SLC17A1: variants seen among roughly 807,000 people sequenced by gnomAD.
SLC17A1 encodes the protein sodium-dependent phosphate transport protein 1.
SLC17A1 carries 51 observed loss-of-function variants against 53.5 expected under a neutral mutation model. That is an observed-to-expected ratio of 0.95 (90% CI 0.76 to 1.20). SLC17A1 has a LOEUF of 1.20. SLC17A1 is among the 50% of genes most tolerant of loss of function. The probability of loss-of-function intolerance (pLI) is 0.00; values close to 1 mark genes in which losing one functional copy is unlikely to be tolerated. For missense variants in SLC17A1, 538 were observed against 568.2 expected, an observed-to-expected ratio of 0.95 and a Z score of 0.54; for synonymous variants, 179 against 198.8, an observed-to-expected ratio of 0.90 and a Z score of 0.84.
the SLC17A1 span, among the ~76,000 whole-genome samples, chr6:25,746,014 A>G: frequency 6.6e-6 from 1 of 152,344 alleles, no homozygotes; most frequent in South Asian, 2.1e-4. Flanking sequence ...GACTTAAAAG[A>G]CAGAGAGGAT....
At chr6:25,747,728 C>G in the SLC17A1 span, among the ~76,000 whole-genome samples, 1 of 152,192 alleles carries the variant, frequency 6.6e-6, no homozygotes, top group African/African-American at 2.4e-5. Flanking sequence ...CTAGAGGATA[C>G]AACTCTTTGG....
the SLC17A1 span, among the ~76,000 whole-genome samples, chr6:25,739,044 A>G: frequency 6.6e-6 from 1 of 152,330 alleles, no homozygotes; most frequent in East Asian, 1.9e-4. Flanking sequence ...CATTCATCCC[A>G]GAGAAATGAA....
chr6:25,776,937 AACTT>A, the SLC17A1 span: 1 of 1,613,162 alleles, frequency 6.2e-7, no homozygotes. Context: ...AGCCCTTGTT[AACTT>A]CTTGGATATT....
At chr6:25,812,522 C>A (rs1260913715) in intron 8 of SLC17A1, among the ~76,000 whole-genome samples, 24 of 152,164 alleles carry the variant, frequency 1.6e-4, no homozygotes. Context: ...CCAGTCCCTG[C>A]AGGGAATGGT....
At chr6:25,826,195 G>T (rs536774193) in intron 3 of SLC17A1, among the ~76,000 whole-genome samples, 24 of 151,212 alleles carry the variant, frequency 1.6e-4, no homozygotes, top group African/African-American at 5.3e-4. Flanking sequence ...TTTTCCTCTT[G>T]TCCAAATTTC....
chr6:25,726,088 GTT>G, the SLC17A1 span: 1 of 1,478,456 alleles, frequency 6.8e-7, no homozygotes, highest in South Asian at 1.4e-5. Flanking sequence ...AGAGCCTTTT[GTT>G]TTTTCTGACA....
intron 12 of SLC17A1, among the ~76,000 whole-genome samples, chr6:25,796,614 A>T (rs1424521328): frequency 1.3e-5 from 2 of 152,026 alleles, no homozygotes; most frequent in African/African-American, 2.4e-5. Context: ...TTTTAAAAAA[A>T]TTTTTCTTCA....
the SLC17A1 span, among the ~76,000 whole-genome samples, chr6:25,742,199 A>G: frequency 6.6e-6 from 1 of 152,208 alleles, no homozygotes; most frequent in Non-Finnish European, 1.5e-5. Context: ...AAGCCAACCA[A>G]TCAGTGTTCA....
chr6:25,779,001 A>G, downstream of SLC17A1: 1 of 1,602,450 alleles, frequency 6.2e-7, no homozygotes, highest in Non-Finnish European at 8.5e-7. Flanking sequence ...TTTCTGAACC[A>G]AGAGGGACAG....
the SLC17A1 span, among the ~76,000 whole-genome samples, chr6:25,767,878 G>A: frequency 0.3 from 45,385 of 152,024 alleles, 7,751 homozygotes; most frequent in East Asian, 0.74. Context: ...TCAAAACTCA[G>A]TGGGGGAAAA....
chr6:25,798,230 G>A (rs1466072148), intron 12 of SLC17A1, among the ~76,000 whole-genome samples: 3 of 152,142 alleles, frequency 2.0e-5, no homozygotes, highest in African/African-American at 4.8e-5. Context: ...TCTACAAAGA[G>A]ACATTTCTCC....
At chr6:25,770,384 G>C in the SLC17A1 span, 4 of 1,614,070 alleles carry the variant, frequency 2.5e-6, no homozygotes, top group Non-Finnish European at 3.4e-6. Flanking sequence ...TTCCCCCCAG[G>C]TTATGGTATT....
intron 10 of SLC17A1, among the ~76,000 whole-genome samples, chr6:25,805,198 G>C (rs1283959102): frequency 6.6e-6 from 1 of 151,912 alleles, no homozygotes; most frequent in Non-Finnish European, 1.5e-5. Flanking sequence ...ATTATATCAA[G>C]TATCTTCTCA....
chr6:25,726,796 C>G, the SLC17A1 span: 4 of 1,336,000 alleles, frequency 3.0e-6, no homozygotes, highest in Non-Finnish European at 2.1e-6. Context: ...CTTGGCGAGA[C>G]TTGGAGCTGA....
At chr6:25,749,560 A>G in the SLC17A1 span, among the ~76,000 whole-genome samples, 1 of 152,246 alleles carries the variant, frequency 6.6e-6, no homozygotes, top group South Asian at 2.1e-4. Flanking sequence ...GACACTGCTT[A>G]CTTCTTGAAC....
At chr6:25,820,686 C>A (rs888547007) in intron 3 of SLC17A1, among the ~76,000 whole-genome samples, 3 of 151,994 alleles carry the variant, frequency 2.0e-5, no homozygotes, top group Non-Finnish European at 4.4e-5. Context: ...CGAGACCATC[C>A]TGGCTAACAC....
At chr6:25,816,849 T>A (rs1764375642) in intron 6 of SLC17A1, among the ~76,000 whole-genome samples, 1 of 69,964 alleles carries the variant, frequency 1.4e-5, no homozygotes, top group African/African-American at 4.0e-5. Flanking sequence ...GGCCAGGCCA[T>A]TTTTTTTTTT....
At chr6:25,775,917 C>T in the SLC17A1 span, among the ~76,000 whole-genome samples, 30 of 152,248 alleles carry the variant, frequency 2.0e-4, no homozygotes, top group East Asian at 3.5e-3. Context: ...GAGAACCTTG[C>T]TGAGCAGTAT....
the SLC17A1 span, chr6:25,732,139 G>C: frequency 2.0e-6 from 1 of 509,206 alleles, no homozygotes; most frequent in Non-Finnish European, 3.3e-6. Context: ...AAATGGTAGT[G>C]CCCTTTGAAG....
Sources: allele counts gnomAD v4.1 joint callset (sites outside exome capture counted in the v4.1 genomes callset), GRCh38; gene constraint gnomAD v4.1.1; transcripts MANE v1.5; gene names NCBI Gene and HGNC (gene_info 2026-07-23, HGNC 2026-07-21).